Variants in CLASP1 observed in about 807,000 individuals in gnomAD.
CLASP1 encodes CLIP-associating protein 1.
A neutral mutation model predicts 192.3 loss-of-function variants in CLASP1; 38 were observed. The ratio of observed to expected loss-of-function variants is 0.20; its 90% CI spans 0.15 to 0.26. The LOEUF is 0.26. Ranked by LOEUF, CLASP1 falls within the 10% of genes least tolerant of loss-of-function variation. The pLI, the probability that CLASP1 is intolerant of heterozygous loss-of-function variation, is 1.00. For synonymous variants in CLASP1, 691 were observed against 712.8 expected, an observed-to-expected ratio of 0.97 and a Z score of 0.49; for missense variants, 1,433 against 1,932.5, an observed-to-expected ratio of 0.74 and a Z score of 4.85.
intron 1 of CLASP1, among the ~76,000 whole-genome samples, chr2:121,625,427 A>ATTTTTTTTTTT (rs397868546): frequency 4.2e-5 from 4 of 95,750 alleles, no homozygotes; most frequent in Non-Finnish European, 5.8e-5. Flanking sequence ...TCTTTCTTTC[A>ATTTTTTTTTTT]TTTTTTTTTT....
At chr2:121,478,803 CACACACACCCCACA>C (rs2092127560) in intron 8 of CLASP1, among the ~76,000 whole-genome samples, 3 of 37,282 alleles carry the variant, frequency 8.0e-5, no homozygotes, top group Non-Finnish European at 1.9e-4. Context: ...CCACACACCA[CACACACACCCCACA>C]CACAACCACA....
intron 1 of CLASP1, among the ~76,000 whole-genome samples, chr2:121,623,443 G>T (rs541889462): frequency 1.3e-5 from 2 of 152,290 alleles, no homozygotes; most frequent in East Asian, 1.9e-4. Context: ...CAAGTATTTT[G>T]TTGAGGTATT....
chr2:121,556,112 T>C (rs1275234359), intron 2 of CLASP1, among the ~76,000 whole-genome samples: 1 of 146,222 alleles, frequency 6.8e-6, no homozygotes, highest in African/African-American at 2.5e-5. Flanking sequence ...GCCTTCCAAG[T>C]AGCTGGAATT....
At chr2:121,358,765 G>A (rs938593929) in intron 37 of CLASP1, among the ~76,000 whole-genome samples, 2 of 152,180 alleles carry the variant, frequency 1.3e-5, no homozygotes, top group African/African-American at 4.8e-5. Context: ...TACTACTGGT[G>A]GTTTTATATT....
intron 1 of CLASP1, among the ~76,000 whole-genome samples, chr2:121,617,939 C>A (rs768678811): frequency 1.1e-4 from 16 of 152,210 alleles, no homozygotes; most frequent in Non-Finnish European, 2.4e-4. Context: ...TACTTCAGGG[C>A]TTTTGCTTAT....
At chr2:121,613,891 T>G (rs561191147) in intron 1 of CLASP1, among the ~76,000 whole-genome samples, 1 of 152,208 alleles carries the variant, frequency 6.6e-6, no homozygotes, top group African/African-American at 2.4e-5. Context: ...GCTGGGAAGA[T>G]CTTGTGCTAG....
chr2:121,425,127 G>C lies in CLASP1; in HGVS notation c.2212+12C>G. On this transcript the variant is annotated intron_variant, in intron 22 of 39. Transcript: ENST00000263710. ...CTGGGAATGGTATTCCAAGATCTTT[G>C]AGAATCCTTACCTAATCCTATTCGG... is the stretch of plus-strand genomic sequence containing the variant. The C allele has an allele frequency of 6.3e-7, 1 of 1,592,630 alleles. No individual in the cohort carries two copies. The highest frequency in any genetic ancestry group is 8.5e-7 in the Non-Finnish European group (1 of 1,169,670).
At chr2:121,397,956 T>A (rs2075561169) in intron 29 of CLASP1, among the ~76,000 whole-genome samples, 2 of 151,850 alleles carry the variant, frequency 1.3e-5, no homozygotes, top group Non-Finnish European at 2.9e-5. Context: ...AAGATACCTA[T>A]CTCTACACAC....
chr2:121,446,029 A>G (rs1440296105), intron 19 of CLASP1, among the ~76,000 whole-genome samples: 4 of 152,242 alleles, frequency 2.6e-5, no homozygotes, highest in South Asian at 2.1e-4. Flanking sequence ...CCTTTGCTCA[A>G]TGGTTACATA....
rs114145559 is a variant in CLASP1 at position 121,467,680 on chromosome 2, G to A, written c.865+2128C>T. Among the ~76,000 whole-genome samples, 363 of 152,152 alleles carry A rather than the reference G, an allele frequency of 2.4e-3. 1 individual carries two copies. Among genetic ancestry groups the A allele is most frequent in the African/African-American group, 7.3e-3 (305 of 41,512 alleles). On this transcript the variant is annotated intron_variant, in intron 9 of 39. Transcript: ENST00000263710. ...TTCTTGTAAATTTAAGTTCTTTGCA[G>A]ATTCTGGATGTTAGGCCTTTTGTCA...
intron 26 of CLASP1, among the ~76,000 whole-genome samples, chr2:121,404,128 C>A (rs1574391639): frequency 1.3e-5 from 2 of 152,348 alleles, no homozygotes; most frequent in East Asian, 3.9e-4. Flanking sequence ...GAAAGACCAT[C>A]TGATTCTCTC....
chr2:121,365,142 G>A, exon 36 of CLASP1: 1 of 1,613,992 alleles, frequency 6.2e-7, no homozygotes, highest in South Asian at 1.1e-5. Context: ...TGGTCTTGAA[G>A]TGCTCCTCCC....
intron 2 of CLASP1, among the ~76,000 whole-genome samples, chr2:121,544,861 T>TG (rs2095299392): frequency 6.6e-6 from 1 of 151,990 alleles, no homozygotes. Flanking sequence ...CTCAGAATGA[T>TG]GGCAGGGCAC....
chr2:121,634,611 C>T (rs2070444245), intron 1 of CLASP1, among the ~76,000 whole-genome samples: 1 of 152,198 alleles, frequency 6.6e-6, no homozygotes, highest in Admixed American at 6.5e-5. Flanking sequence ...TTGGCCACTT[C>T]AGAAATCCAC....
At chr2:121,638,147 AAC>A (rs2071259535) in intron 1 of CLASP1, among the ~76,000 whole-genome samples, 1 of 152,134 alleles carries the variant, frequency 6.6e-6, no homozygotes, top group Non-Finnish European at 1.5e-5. Flanking sequence ...AAAAATAAGA[AAC>A]AGACTTGAAC....
At chr2:121,378,967 TAAAA>T (rs34669815) in intron 33 of CLASP1, among the ~76,000 whole-genome samples, 1 of 130,556 alleles carries the variant, frequency 7.7e-6, no homozygotes, top group Admixed American at 7.6e-5. Flanking sequence ...TATTCTGCCT[TAAAA>T]AAAAAAAAAA....
intron 19 of CLASP1, among the ~76,000 whole-genome samples, chr2:121,444,374 G>A (rs990154871): frequency 7.2e-5 from 11 of 152,170 alleles, no homozygotes; most frequent in African/African-American, 2.4e-4. Context: ...GTGTGTGTCC[G>A]TGAGACAAAT....
chr2:121,515,856 C>CA, intron 6 of CLASP1, 94 bp from the exon 7 acceptor site: 1 of 911,650 alleles, frequency 1.1e-6, no homozygotes, highest in Non-Finnish European at 1.8e-6. Context: ...CCCAATTTAT[C>CA]ACCATTTTAC....
intron 8 of CLASP1, among the ~76,000 whole-genome samples, chr2:121,500,251 T>C (rs952433716): frequency 6.7e-6 from 1 of 149,146 alleles, no homozygotes; most frequent in Non-Finnish European, 1.5e-5. Context: ...GGGAGTTGTG[T>C]TTTAAAAAAA....
Sources: gnomAD v4.1 joint callset for allele counts (sites outside exome capture counted in the v4.1 genomes callset) on GRCh38, gnomAD v4.1.1 for gene constraint, MANE v1.5 for transcripts, NCBI Gene and HGNC (gene_info 2026-07-23, HGNC 2026-07-21) for gene names.